The following EPHB2 variants were observed in gnomAD, a reference collection of about 807,000 sequenced individuals.
EPHB2 encodes EPH receptor B2, also known as ephrin type-B receptor 2.
In EPHB2, 18 loss-of-function variants were observed where a neutral mutation model predicts 96.4. The observed-to-expected ratio is 0.19, with a 90% CI of 0.13 to 0.28. The LOEUF (loss-of-function observed/expected upper bound fraction) is 0.28, where lower values mean the gene tolerates loss of function less well. Ranked by LOEUF, EPHB2 falls within the 10% of genes least tolerant of loss-of-function variation. EPHB2 has a pLI of 1.00. For synonymous variants in EPHB2, 506 were observed against 534.1 expected (o/e 0.95, Z 0.72); for missense variants, 989 against 1,355.4 (o/e 0.73, Z 4.25).
intron 1 of EPHB2, among the ~76,000 whole-genome samples, chr1:22,748,309 A>G (rs1644006716): frequency 6.6e-6 from 1 of 151,794 alleles, no homozygotes; most frequent in African/African-American, 2.4e-5. Context: ...GCTCAGAGCA[A>G]ACGTTGTTTC....
chr1:22,904,292 C>A (rs74896542), intron 9 of EPHB2, among the ~76,000 whole-genome samples: 302 of 129,822 alleles, frequency 2.3e-3, no homozygotes, highest in South Asian at 3.0e-3. Context: ...GAACCTGTCT[C>A]AAAAAAAAAA....
At chr1:22,884,118 G>A (rs879307809) in intron 6 of EPHB2, among the ~76,000 whole-genome samples, 8 of 152,208 alleles carry the variant, frequency 5.3e-5, no homozygotes, top group African/African-American at 1.7e-4. Flanking sequence ...GCATGCGGGC[G>A]GAGGGTGCCT....
rs896415237 is a variant in EPHB2, at chr1:22,819,294, C to T, written c.811+34218C>T. Among the ~76,000 whole-genome samples the T allele has an allele frequency of 5.4e-5, 8 of 148,476 alleles. No individual in the cohort carries two copies. In the East Asian group the frequency reaches 1.2e-3, roughly 23 times the overall value. Reference sequence around the variant, plus strand: ...TCATTCTGCCTTGAAACTCCATCTCCGGCCACCGCCTCTCACAACCTCTGT... The same window carrying T: ...TCATTCTGCCTTGAAACTCCATCTCTGGCCACCGCCTCTCACAACCTCTGT... On this transcript the variant is annotated intron_variant, in intron 3 of 15. Coordinates refer to ENST00000374630, the MANE Select transcript of EPHB2 (RefSeq NM_017449.5).
Position 22,906,177 on chromosome 1 carries a change from A to G in EPHB2, c.1888+68A>G, listed in dbSNP as rs1639908228. ...GGCTGGTGAGACCACCCCAATGTAT[A>G]CCCTTGGGGCAGAAGGTAGGATGTG... is the stretch of plus-strand genomic sequence containing the variant. On this transcript the variant is annotated intron_variant, in intron 10 of 15. Coordinates refer to ENST00000374630, the MANE Select transcript of EPHB2 (RefSeq NM_017449.5). The surrounding 1 kb of genome is among the most constrained non-coding windows in gnomAD (Gnocchi z 4.8). The G allele has an allele frequency of 6.2e-7, 1 of 1,608,158 alleles. No individual in the cohort carries two copies. Among genetic ancestry groups the G allele is most frequent in the African/African-American group, 1.3e-5 (1 of 74,746 alleles).
intron 9 of EPHB2, among the ~76,000 whole-genome samples, chr1:22,903,574 T>C (rs1639815617): frequency 6.6e-6 from 1 of 152,254 alleles, no homozygotes; most frequent in South Asian, 2.1e-4. Flanking sequence ...GCTAGCTGTG[T>C]GGCCTTGGCC....
chr1:22,774,027 G>A (rs1224875411), intron 1 of EPHB2, among the ~76,000 whole-genome samples: 1 of 152,250 alleles, frequency 6.6e-6, no homozygotes, highest in African/African-American at 2.4e-5. Flanking sequence ...CCACCACTGA[G>A]AGCCAGTCAT....
At chr1:22,840,618 G>A (rs1190632864) in intron 3 of EPHB2, among the ~76,000 whole-genome samples, 1 of 152,002 alleles carries the variant, frequency 6.6e-6, no homozygotes, top group African/African-American at 2.4e-5. Flanking sequence ...ACACAACCAC[G>A]CCTGGCTAAT....
intron 6 of EPHB2, 51 bp downstream of exon 6, chr1:22,882,534 TCTCCCAGGCTGAG>T: frequency 6.2e-7 from 1 of 1,609,168 alleles, no homozygotes; most frequent in African/African-American, 1.3e-5. Flanking sequence ...TGAGGGCCCC[TCTCCCAGGCTGAG>T]GCCTGGGAGT....
intron 3 of EPHB2, among the ~76,000 whole-genome samples, chr1:22,851,287 C>T (rs545015360): frequency 6.2e-4 from 94 of 152,340 alleles, no homozygotes; most frequent in East Asian, 5.8e-4. Flanking sequence ...TGTGAGCCAC[C>T]GTGCCCAGGC....
At chr1:22,752,958 T>C (rs1178300917) in intron 1 of EPHB2, among the ~76,000 whole-genome samples, 1 of 152,008 alleles carries the variant, frequency 6.6e-6, no homozygotes, top group Non-Finnish European at 1.5e-5. Context: ...TATGTTTTTT[T>C]TTTTTGGAGA....
intron 6 of EPHB2, 42 bp downstream of exon 6, chr1:22,882,525 G>A (rs1639083102): frequency 1.9e-6 from 3 of 1,611,206 alleles, no homozygotes; most frequent in Non-Finnish European, 2.5e-6. Context: ...CCACCTCCCT[G>A]AGGGCCCCTC....
intron 1 of EPHB2, among the ~76,000 whole-genome samples, chr1:22,745,710 T>C (rs1392167707): frequency 1.3e-5 from 2 of 152,040 alleles, no homozygotes; most frequent in Non-Finnish European, 2.9e-5. Context: ...GAGATAATTA[T>C]AATCCATGCA....
chr1:22,748,768 ATAAAT>A (rs1446702773), intron 1 of EPHB2, among the ~76,000 whole-genome samples: 4 of 149,766 alleles, frequency 2.7e-5, no homozygotes, highest in Admixed American at 6.6e-5. Context: ...TTAAAATAAA[ATAAAT>A]TATATAATTT....
At chr1:22,901,033 G>C (rs926901188) in intron 9 of EPHB2, among the ~76,000 whole-genome samples, 1 of 152,186 alleles carries the variant, frequency 6.6e-6, no homozygotes, top group Non-Finnish European at 1.5e-5. Context: ...GGGTGACCTC[G>C]GGGAAGCCAT....
At chr1:22,898,034 C>T (rs1303859356) in intron 9 of EPHB2, among the ~76,000 whole-genome samples, 2 of 139,426 alleles carry the variant, frequency 1.4e-5, no homozygotes, top group Non-Finnish European at 3.0e-5. Flanking sequence ...GCCCAGGAGG[C>T]GGAGGTTGCA....
In EPHB2 at chr1:22,920,017, A is replaced by T. The variant is rs1282587446; in HGVS notation, c.*6447A>T. The stretch of plus-strand genomic sequence containing the variant: ...GCAAGAAAGAGAGAAAGAGATGGGG[A>T]GGGAGACAGCTGAAAACAGATACTA... On this transcript the variant is annotated 3_prime_UTR_variant, in exon 16 of 16. Coordinates refer to ENST00000374630, the MANE Select transcript of EPHB2 (RefSeq NM_017449.5). 1 of 151,346 alleles carries T rather than the reference A, an allele frequency of 6.6e-6. No individual in the cohort carries two copies. Among genetic ancestry groups the T allele is most frequent in the Non-Finnish European group, 1.5e-5 (1 of 67,960 alleles). 9.4% of individuals were successfully genotyped at this position (151,346 alleles called of 1,614,324 possible).
chr1:22,711,712 C>G (rs1356647373), intron 1 of EPHB2, among the ~76,000 whole-genome samples: 1 of 151,980 alleles, frequency 6.6e-6, no homozygotes, highest in East Asian at 2.0e-4. Flanking sequence ...GGCACCCCCG[C>G]CGGCCACCGC....
At chr1:22,773,115 C>T (rs1262509315) in intron 1 of EPHB2, among the ~76,000 whole-genome samples, 1 of 152,202 alleles carries the variant, frequency 6.6e-6, no homozygotes, top group Non-Finnish European at 1.5e-5. Context: ...CTGTAAAAAC[C>T]TTTGGCTCCC....
At chr1:22,750,813 T>A (rs1167199863) in intron 1 of EPHB2, among the ~76,000 whole-genome samples, 1 of 152,248 alleles carries the variant, frequency 6.6e-6, no homozygotes, top group Non-Finnish European at 1.5e-5. Context: ...AGACAGGTGC[T>A]ATTATCCACC....
Sources: allele counts gnomAD v4.1 joint callset (sites outside exome capture counted in the v4.1 genomes callset), GRCh38; gene constraint gnomAD v4.1.1; non-coding constraint Gnocchi (gnomAD v3.1); transcripts MANE v1.5; gene names NCBI Gene and HGNC (gene_info 2026-07-23, HGNC 2026-07-21).